The following RGS14 variants were observed in gnomAD, a reference collection of about 807,000 sequenced individuals.
The protein encoded by RGS14 is regulator of G-protein signaling 14.
A neutral mutation model predicts 63.8 loss-of-function variants in RGS14; 33 were observed. The observed-to-expected ratio is 0.52, with a 90% confidence interval of 0.39 to 0.69. RGS14 has a LOEUF of 0.69. Among genes scored for constraint, RGS14 ranks in the 30% least tolerant of loss-of-function variants. The probability of loss-of-function intolerance (pLI) is 0.00; values close to 1 mark genes in which losing one functional copy is unlikely to be tolerated. For synonymous variants in RGS14, 296 were observed against 320.9 expected (o/e 0.92, Z 0.83); for missense variants, 739 against 742.9 (o/e 0.99, Z 0.06).
In RGS14 at chr5:177,372,445, G is replaced by A. The variant is rs1040735952; in HGVS notation, c.*370G>A. 1.6e-5 allele frequency: 4 copies of A among 243,650 alleles called. No individual in the cohort carries two copies. Among genetic ancestry groups the A allele is most frequent in the Non-Finnish European group, 2.4e-5 (3 of 125,406 alleles). The allele number at this position is 243,650 out of a possible 1,614,324, so 15.1% of individuals were successfully genotyped here. On this transcript the variant is annotated 3_prime_UTR_variant, in exon 15 of 15. Transcript: ENST00000408923. ...GGGGCCGGCCCCTCCTCAGGAAGCT[G>A]GTATGAGTAAGGCCTTGAGGGTGCA...
chr5:177,358,816 G>C lies in RGS14; in HGVS notation c.45+747G>C, dbSNP rs2127324752. ...CTCCCTAGGGTTCCCCCCTCACTTG[G>C]AAGAGTCCCTCTTAACAACCTCAGG... On this transcript the variant is annotated intron_variant, in intron 1 of 14. Transcript: ENST00000408923. This position sits in a 1 kb window ranked among gnomAD's most constrained non-coding sequence, Gnocchi z 4.8. Among the ~76,000 whole-genome samples, 1 of 152,280 alleles carries C rather than the reference G, an allele frequency of 6.6e-6. No homozygotes were observed. Among genetic ancestry groups the C allele is most frequent in the South Asian group, 2.1e-4 (1 of 4,824 alleles).
rs375742705 is a variant in RGS14, at chr5:177,367,863, C to T, written c.739+38C>T. On this transcript the variant is annotated intron_variant, in intron 7 of 14. Coordinates refer to ENST00000408923, the MANE Select transcript of RGS14 (RefSeq NM_006480.5). Reference sequence around the variant, plus strand: ...GCGAGCAACAGAGATGTGGGGAAGGCGGGAGTTTGGTTAAATTTGGGGAGT... The same window carrying T: ...GCGAGCAACAGAGATGTGGGGAAGGTGGGAGTTTGGTTAAATTTGGGGAGT... 2.3e-5 allele frequency: 35 copies of T among 1,516,136 alleles called. No individual in the cohort carries two copies. In the African/African-American group the frequency reaches 4.3e-4, roughly 19 times the overall value. 93.9% of individuals were successfully genotyped at this position (1,516,136 alleles called of 1,614,324 possible). A position where few individuals can be genotyped will look rare whatever the true frequency, so the allele number is the denominator to read the frequency against.
At chr5:177,362,903 T>A (rs188666655) in intron 1 of RGS14, among the ~76,000 whole-genome samples, 1 of 152,094 alleles carries the variant, frequency 6.6e-6, no homozygotes, top group South Asian at 2.1e-4. Context: ...AAAATTGAAG[T>A]GCTGGCTGGC....
chr5:177,372,580 A>T lies in RGS14; in HGVS notation c.*505A>T, dbSNP rs946546564. 2 of 152,398 alleles carry T rather than the reference A, an allele frequency of 1.3e-5. No homozygotes were observed. The highest frequency in any genetic ancestry group is 2.9e-5 in the Non-Finnish European group (2 of 68,360). The allele number at this position is 152,398 out of a possible 1,614,324, so 9.4% of individuals were successfully genotyped here. A position where few individuals can be genotyped will look rare whatever the true frequency, so the allele number is the denominator to read the frequency against. On this transcript the variant is annotated 3_prime_UTR_variant, in exon 15 of 15. Transcript: ENST00000408923. ...TGATGTATGATACTGTTATTATAAT[A>T]ATTATTATTATTCTGCCATGAGTTG...
At position 177,366,369 on chromosome 5, in the gene RGS14, A is replaced by G; in HGVS notation, c.246+14A>G. ...GCTTACTTCACTGTAAGCCTGGGGTAGGGAAAGGGAAGGGGGGACACGGGA... is the reference window on the plus strand; with the variant it reads ...GCTTACTTCACTGTAAGCCTGGGGTGGGGAAAGGGAAGGGGGGACACGGGA... On this transcript the variant is annotated intron_variant, in intron 3 of 14. Transcript: ENST00000408923. 6.5e-7 allele frequency: 1 copy of G among 1,531,812 alleles called. No individual in the cohort carries two copies. Among genetic ancestry groups the G allele is most frequent in the Non-Finnish European group, 8.8e-7 (1 of 1,135,896 alleles). 94.9% of individuals were successfully genotyped at this position (1,531,812 alleles called of 1,614,324 possible).
chr5:177,370,858 C>G (rs1430262078), intron 10 of RGS14, 47 bp from the exon 11 acceptor site: 3 of 1,532,980 alleles, frequency 2.0e-6, no homozygotes, highest in Non-Finnish European at 2.6e-6. Context: ...AAGGGTTTGG[C>G]GGGGGGCCGG....
rs753492884 is a variant in RGS14, at chr5:177,371,068, C to CGGGGCGGGGCGGGGCGGGG, written c.1254+37_1254+38insGGGGCGGGGCGGGGCGGGG. 40 of 600,712 alleles carry CGGGGCGGGGCGGGGCGGGG rather than the reference C, an allele frequency of 6.7e-5. 1 individual carries two copies. In the African/African-American group the frequency reaches 1.4e-3, roughly 21 times the overall value. 37.2% of individuals were successfully genotyped at this position (600,712 alleles called of 1,614,324 possible). ...GGCCGCGGGGCGGGGCGGGGCGGGG[C>CGGGGCGGGGCGGGGCGGGG]CGGGCCGGGGCCGGGGCCGGGGCCG... On this transcript the variant is annotated intron_variant, in intron 11 of 14. Coordinates refer to ENST00000408923, the MANE Select transcript of RGS14 (RefSeq NM_006480.5). This position sits in a 1 kb window ranked among gnomAD's most constrained non-coding sequence, Gnocchi z 6.1.
intron 8 of RGS14, 92 bp downstream of exon 8, chr5:177,368,358 T>C (rs1762159012): frequency 7.5e-7 from 1 of 1,333,362 alleles, no homozygotes; most frequent in African/African-American, 1.5e-5. Flanking sequence ...CAAGTTGCTG[T>C]CCTTACTGCG....
In RGS14 at chr5:177,364,902, GC is replaced by G. The variant is rs1762055278; in HGVS notation, c.46-1060del. ...CCAGCAGCATCAGCATCGCCTGGGAGCTTGGTAGAAATGGACAGCCTCAGGC... is the reference window on the plus strand; with the variant it reads ...CCAGCAGCATCAGCATCGCCTGGGAGTTGGTAGAAATGGACAGCCTCAGGC... On this transcript the variant is annotated intron_variant, in intron 1 of 14. Transcript: ENST00000408923. The surrounding 1 kb of genome is among the most constrained non-coding windows in gnomAD (Gnocchi z 4.6). 6.6e-6 allele frequency among the ~76,000 whole-genome samples: 1 copy of G among 152,166 alleles called. No individual in the cohort carries two copies. The highest frequency in any genetic ancestry group is 2.4e-5 in the African/African-American group (1 of 41,412).
Sources: allele counts gnomAD v4.1 joint callset (sites outside exome capture counted in the v4.1 genomes callset), GRCh38; gene constraint gnomAD v4.1.1; non-coding constraint Gnocchi (gnomAD v3.1); transcripts MANE v1.5; gene names NCBI Gene and HGNC (gene_info 2026-07-23, HGNC 2026-07-21).